NCS1: variants seen among roughly 807,000 people sequenced by gnomAD.
NCS1 encodes the protein frequenin homolog.
A neutral mutation model predicts 28.4 loss-of-function variants in NCS1; 6 were observed. That is an observed-to-expected ratio of 0.21 (90% CI 0.12 to 0.42). NCS1 has a LOEUF of 0.42. Ranked by LOEUF, NCS1 falls within the 10% of genes least tolerant of loss-of-function variation. The pLI is 1.00. For missense variants in NCS1, 131 were observed against 241.4 expected, an observed-to-expected ratio of 0.54 and a Z score of 3.03; for synonymous variants, 86 against 99.3, an observed-to-expected ratio of 0.87 and a Z score of 0.79.
At chr9:130,217,070 A>G (rs1247194434) in intron 2 of NCS1, among the ~76,000 whole-genome samples, 2 of 152,202 alleles carry the variant, frequency 1.3e-5, no homozygotes, top group African/African-American at 2.4e-5. Context: ...TGATACCAAC[A>G]AGAGGGGTAT....
intron 1 of NCS1, among the ~76,000 whole-genome samples, chr9:130,179,092 C>T (rs1353367224): frequency 1.3e-5 from 2 of 151,286 alleles, no homozygotes; most frequent in African/African-American, 2.4e-5. Flanking sequence ...GCCACCACTC[C>T]CAGCTAATTT....
In NCS1 at chr9:130,216,188, C is replaced by T. The variant is rs140173721; in HGVS notation, c.90-1644C>T. 3.9e-4 allele frequency among the ~76,000 whole-genome samples: 60 copies of T among 152,274 alleles called. No homozygotes were observed. In the East Asian group the frequency reaches 0.01, roughly 26 times the overall value. ...TATGGACCCTAATCAGAGTGCCGCG[C>T]GCACCATGCGCGGTACTCCCATAAC... is the stretch of plus-strand genomic sequence containing the variant. On this transcript the variant is annotated intron_variant, in intron 2 of 7. Coordinates refer to ENST00000372398, the MANE Select transcript of NCS1 (RefSeq NM_014286.4).
At chr9:130,201,915 T>A (rs1832953601) in intron 2 of NCS1, among the ~76,000 whole-genome samples, 1 of 152,196 alleles carries the variant, frequency 6.6e-6, no homozygotes, top group South Asian at 2.1e-4. Context: ...CCCATGTGGC[T>A]CTGCTTCCTG....
rs143424481 is a variant in NCS1 at position 130,191,835 on chromosome 9, G to A, written c.65-9123G>A. 2.6e-5 allele frequency among the ~76,000 whole-genome samples: 4 copies of A among 152,314 alleles called. No individual in the cohort carries two copies. The highest frequency in any genetic ancestry group is 6.5e-5 in the Admixed American group (1 of 15,308). On this transcript the variant is annotated intron_variant, in intron 1 of 7. Transcript: ENST00000372398. This position sits in a 1 kb window ranked among gnomAD's most constrained non-coding sequence, Gnocchi z 6.4. ...GGCCCGCCCACCTTTCCTGCCAGCC[G>A]CTGTGTGCCCCAGCCCAGTGCTGGA...
rs570470243 is a variant in NCS1 at position 130,209,152 on chromosome 9, C to CCCCG, written c.89+8172_89+8175dup. ...TTGCCGAGGCTGCCGCTGCGCCCAT[C>CCCCG]CCCGCTGCGCCTGGCTGATTGCAGC... On this transcript the variant is annotated intron_variant, in intron 2 of 7. Transcript: ENST00000372398. This position sits in a 1 kb window ranked among gnomAD's most constrained non-coding sequence, Gnocchi z 4.4. Among the ~76,000 whole-genome samples, 11 of 152,302 alleles carry CCCCG rather than the reference C, an allele frequency of 7.2e-5. No homozygotes were observed. Among genetic ancestry groups the CCCCG allele is most frequent in the South Asian group, 4.1e-4 (2 of 4,830 alleles).
intron 1 of NCS1, chr9:130,200,740 A>T (rs1220047968): frequency 3.1e-5 from 44 of 1,441,970 alleles, no homozygotes; most frequent in Non-Finnish European, 4.1e-5. Flanking sequence ...GGCACCGGGA[A>T]GGGGTGGGGC....
At chr9:130,178,018 CTTTA>C (rs1467653322) in intron 1 of NCS1, among the ~76,000 whole-genome samples, 7 of 152,142 alleles carry the variant, frequency 4.6e-5, no homozygotes, top group Admixed American at 1.3e-4. Flanking sequence ...TGAGGGGAAC[CTTTA>C]TTTATTTATA....
In NCS1 at chr9:130,183,029, C is replaced by T. The variant is rs150005330; in HGVS notation, c.64+10302C>T. On this transcript the variant is annotated intron_variant, in intron 1 of 7. Coordinates refer to ENST00000372398, the MANE Select transcript of NCS1 (RefSeq NM_014286.4). ...TGGGGTGTGTGGCCCGGGGTGTCCTCGCCTCTGCAGAAGGCTGGGATCTTT... is the reference window on the plus strand; with the variant it reads ...TGGGGTGTGTGGCCCGGGGTGTCCTTGCCTCTGCAGAAGGCTGGGATCTTT... 3.3e-5 allele frequency among the ~76,000 whole-genome samples: 5 copies of T among 152,306 alleles called. 1 individual carries two copies. In the South Asian group the frequency reaches 6.2e-4, roughly 19 times the overall value.
chr9:130,198,675 C>T (rs782751102), intron 1 of NCS1, among the ~76,000 whole-genome samples: 1 of 152,244 alleles, frequency 6.6e-6, no homozygotes, highest in African/African-American at 2.4e-5. Context: ...GCAAGCACTT[C>T]AGTTTTCCCA....
intron 1 of NCS1, 56 bp from the exon 2 acceptor site, chr9:130,200,902 A>G (rs1554907399): frequency 1.9e-6 from 3 of 1,611,700 alleles, no homozygotes; most frequent in South Asian, 2.2e-5. Context: ...ATGTCTGCCC[A>G]TCTCCCGGGA....
intron 2 of NCS1, among the ~76,000 whole-genome samples, chr9:130,201,402 C>G (rs1042353907): frequency 2.0e-5 from 3 of 152,138 alleles, no homozygotes; most frequent in African/African-American, 7.2e-5. Context: ...TGGGTTTGCT[C>G]TTGGATGCCA....
chr9:130,183,142 G>A (rs370423141), intron 1 of NCS1, among the ~76,000 whole-genome samples: 2 of 152,178 alleles, frequency 1.3e-5, no homozygotes, highest in Non-Finnish European at 2.9e-5. Flanking sequence ...ACAGTCTGTC[G>A]GGGAAGGGGG....
rs977939012 is a variant in NCS1, at chr9:130,191,531, C to T, written c.65-9427C>T. On this transcript the variant is annotated intron_variant, in intron 1 of 7. Coordinates refer to ENST00000372398, the MANE Select transcript of NCS1 (RefSeq NM_014286.4). This position sits in a 1 kb window ranked among gnomAD's most constrained non-coding sequence, Gnocchi z 6.4. ...GGATGTAAGGAAGGGAAGTGGGGGCCGGTAGGGGGTGGTCAGAGCCTGGTC... is the reference window on the plus strand; with the variant it reads ...GGATGTAAGGAAGGGAAGTGGGGGCTGGTAGGGGGTGGTCAGAGCCTGGTC... Among the ~76,000 whole-genome samples, 5 of 152,230 alleles carry T rather than the reference C, an allele frequency of 3.3e-5. No homozygotes were observed. Among genetic ancestry groups the T allele is most frequent in the East Asian group, 1.9e-4 (1 of 5,152 alleles).
intron 1 of NCS1, among the ~76,000 whole-genome samples, chr9:130,174,785 G>C (rs1449932345): frequency 4.9e-5 from 3 of 60,776 alleles, no homozygotes; most frequent in African/African-American, 1.7e-4. Context: ...GGGAAACTCT[G>C]TCTCCAAAAA....
rs781804684 is a variant in NCS1, at chr9:130,180,534, C to T, written c.64+7807C>T. The stretch of plus-strand genomic sequence containing the variant: ...GAGAGTGTCAGAGATTACGTTGCGG[C>T]GTTTCTAGGTAACTTGAGATTGGGG... On this transcript the variant is annotated intron_variant, in intron 1 of 7. Coordinates refer to ENST00000372398, the MANE Select transcript of NCS1 (RefSeq NM_014286.4). The surrounding 1 kb of genome is among the most constrained non-coding windows in gnomAD (Gnocchi z 4.5). Among the ~76,000 whole-genome samples the T allele has an allele frequency of 3.3e-5, 5 of 152,140 alleles. No individual in the cohort carries two copies. The highest frequency in any genetic ancestry group is 5.9e-5 in the Non-Finnish European group (4 of 68,024).
At chr9:130,203,046 A>ATGTGTGTGTGTGTGTGTGTGTGTGTG (rs113946626) in intron 2 of NCS1, among the ~76,000 whole-genome samples, 61 of 142,706 alleles carry the variant, frequency 4.3e-4, no homozygotes, top group African/African-American at 1.5e-3. Context: ...CAGGGTAAAT[A>ATGTGTGTGTGTGTGTGTGTGTGTGTG]TGTGTGTGTG....
chr9:130,200,379 C>T, intron 1 of NCS1: 1 of 598,582 alleles, frequency 1.7e-6, no homozygotes, highest in Non-Finnish European at 3.0e-6. Context: ...TAGCCTCTTT[C>T]AGCTTTTGCT....
chr9:130,190,755 T>C (rs1019237338), intron 1 of NCS1, among the ~76,000 whole-genome samples: 2 of 152,166 alleles, frequency 1.3e-5, no homozygotes, highest in Admixed American at 1.3e-4. Context: ...TCGATAAACC[T>C]GGCCTCCATC....
chr9:130,213,934 C>T (rs1833148450), intron 2 of NCS1, among the ~76,000 whole-genome samples: 1 of 152,244 alleles, frequency 6.6e-6, no homozygotes, highest in Admixed American at 6.5e-5. Flanking sequence ...CAGCCAGGGT[C>T]TCTGGAGGTC....
Sources: gnomAD v4.1 joint callset for allele counts (sites outside exome capture counted in the v4.1 genomes callset) on GRCh38, gnomAD v4.1.1 for gene constraint, Gnocchi (gnomAD v3.1) non-coding constraint, MANE v1.5 for transcripts, NCBI Gene and HGNC (gene_info 2026-07-23, HGNC 2026-07-21) for gene names.